The following CNST variants were observed in gnomAD, a reference collection of about 807,000 sequenced individuals.
CNST encodes consortin.
A neutral mutation model predicts 72.4 loss-of-function variants in CNST; 39 were observed. That is an observed-to-expected ratio of 0.54 (90% CI 0.42 to 0.70). CNST has a LOEUF of 0.70. Ranked by LOEUF, CNST falls within the 30% of genes least tolerant of loss-of-function variation. The probability of loss-of-function intolerance (pLI) is 0.00; values close to 1 mark genes in which losing one functional copy is unlikely to be tolerated. For missense variants in CNST, 871 were observed against 868.5 expected (o/e 1.00, Z -0.04); for synonymous variants, 332 against 320.1 (o/e 1.04, Z -0.40).
chr1:246,646,279 C>CAAAAAAAAAAAAAAAAA lies in CNST; in HGVS notation c.938-845_938-844insAAAAAAAAAAAAAAAAA, dbSNP rs550697329. ...TGGGTGACAGAGCGAAACTCCGTCT[C>CAAAAAAAAAAAAAAAAA]AAAAAAAAAAAAAAAGTTGCAAGTA... On this transcript the variant is annotated intron_variant, in intron 8 of 10. Coordinates refer to ENST00000366513, the MANE Select transcript of CNST (RefSeq NM_152609.3). 1.7e-4 allele frequency among the ~76,000 whole-genome samples: 17 copies of CAAAAAAAAAAAAAAAAA among 99,400 alleles called. 1 individual carries two copies. The highest frequency in any genetic ancestry group is 5.8e-4 in the African/African-American group (13 of 22,254). The allele number at this position is 99,400 out of a possible 152,430, so 65.2% of individuals were successfully genotyped here.
At chr1:246,617,589 A>G (rs1008479647) in intron 2 of CNST, among the ~76,000 whole-genome samples, 4 of 152,204 alleles carry the variant, frequency 2.6e-5, no homozygotes, top group South Asian at 2.1e-4. Context: ...GTTACAGAGG[A>G]AAAAATAGAG....
intron 2 of CNST, chr1:246,607,945 G>T (rs1163165238): frequency 1.3e-5 from 2 of 152,102 alleles, no homozygotes; most frequent in East Asian, 3.9e-4. Flanking sequence ...GCCGGGCATG[G>T]TGTCACCCGC....
At chr1:246,616,551 T>C (rs1467838086) in intron 2 of CNST, among the ~76,000 whole-genome samples, 1 of 151,582 alleles carries the variant, frequency 6.6e-6, no homozygotes, top group Non-Finnish European at 1.5e-5. Context: ...GAATGAGACT[T>C]ATTTTTTTCT....
Position 246,621,472 on chromosome 1 carries a change from A to G in CNST, c.423A>G (p.Val141=), listed in dbSNP as rs765850766. The part of the protein sequence containing the change: ...GDIAPLMQEK[V]LSAVTYAVDD... ...TTGCACCTTTAATGCAAGAAAAAGTACTAAGCGCAGTCACATATGCTGTTG... is the reference window on the plus strand; with the variant it reads ...TTGCACCTTTAATGCAAGAAAAAGTGCTAAGCGCAGTCACATATGCTGTTG... The change falls in exon 3 of 11, where the codon GTA becomes GTG. Residue 141 remains valine (V), a synonymous_variant. Coordinates refer to ENST00000366513, the MANE Select transcript of CNST (RefSeq NM_152609.3). The G allele has an allele frequency of 4.3e-6, 7 of 1,614,066 alleles. No homozygotes were observed. Among genetic ancestry groups the G allele is most frequent in the African/African-American group, 1.3e-5 (1 of 74,948 alleles).
intron 2 of CNST, among the ~76,000 whole-genome samples, chr1:246,596,087 T>G (rs188077629): frequency 6.6e-5 from 10 of 152,208 alleles, no homozygotes; most frequent in Admixed American, 2.0e-4. Context: ...CTTGATATGC[T>G]TAACTAAGCA....
intron 1 of CNST, among the ~76,000 whole-genome samples, chr1:246,572,262 A>G (rs577489589): frequency 6.6e-6 from 1 of 152,366 alleles, no homozygotes; most frequent in Admixed American, 6.5e-5. Flanking sequence ...TAAATGAATT[A>G]AATACTTTTT....
At chr1:246,612,803 T>TG (rs1182356859) in intron 2 of CNST, among the ~76,000 whole-genome samples, 1 of 152,088 alleles carries the variant, frequency 6.6e-6, no homozygotes, top group Non-Finnish European at 1.5e-5. Context: ...GAGGATCACT[T>TG]GAACTGGGGA....
At chr1:246,617,527 G>A (rs1663788152) in intron 2 of CNST, among the ~76,000 whole-genome samples, 1 of 152,176 alleles carries the variant, frequency 6.6e-6, no homozygotes, top group South Asian at 2.1e-4. Context: ...GGCATGCACT[G>A]TCTCATTTAA....
rs1002528477 is a variant in CNST at position 246,666,685 on chromosome 1, T to C, written c.*780T>C. On this transcript the variant is annotated 3_prime_UTR_variant, in exon 11 of 11. Coordinates refer to ENST00000366513, the MANE Select transcript of CNST (RefSeq NM_152609.3). ...CAGGCCTAGAGACCAAAGAAAAAGC[T>C]CCCCTGAGTCTCAGGCAACAGTTTT... The C allele has an allele frequency of 3.9e-5, 6 of 152,142 alleles. No individual in the cohort carries two copies. Among genetic ancestry groups the C allele is most frequent in the African/African-American group, 7.2e-5 (3 of 41,422 alleles). 9.4% of individuals were successfully genotyped at this position (152,142 alleles called of 1,614,324 possible).
intron 1 of CNST, among the ~76,000 whole-genome samples, chr1:246,567,205 C>T (rs1659763593): frequency 6.6e-6 from 1 of 152,142 alleles, no homozygotes; most frequent in Non-Finnish European, 1.5e-5. Context: ...CTTACAATTC[C>T]TTTCTAAGCT....
At chr1:246,567,073 G>T (rs1028051829) in intron 1 of CNST, among the ~76,000 whole-genome samples, 13 of 147,428 alleles carry the variant, frequency 8.8e-5, no homozygotes, top group Admixed American at 2.1e-4. Context: ...TACCACTTTG[G>T]TTGTCAAGAA....
chr1:246,590,555 T>G (rs1661481053), intron 1 of CNST, among the ~76,000 whole-genome samples: 1 of 152,140 alleles, frequency 6.6e-6, no homozygotes, highest in Non-Finnish European at 1.5e-5. Context: ...TCTTGTACTT[T>G]TCATGGTTTT....
chr1:246,582,962 A>AGAAACGC (rs2103014111), intron 1 of CNST, among the ~76,000 whole-genome samples: 1 of 152,304 alleles, frequency 6.6e-6, no homozygotes, highest in African/African-American at 2.4e-5. Flanking sequence ...GCCCTGTCTG[A>AGAAACGC]GAAACGCAGG....
chr1:246,659,392 A>G (rs1447910511), intron 9 of CNST, among the ~76,000 whole-genome samples: 3 of 152,180 alleles, frequency 2.0e-5, no homozygotes, highest in African/African-American at 7.2e-5. Flanking sequence ...CAGGAGATCG[A>G]GACCATCCTG....
At chr1:246,619,716 T>C (rs1274417258) in intron 2 of CNST, among the ~76,000 whole-genome samples, 1 of 152,206 alleles carries the variant, frequency 6.6e-6, no homozygotes, top group Non-Finnish European at 1.5e-5. Context: ...GCAGGAAGTA[T>C]TTTACTTTGG....
At chr1:246,649,801 A>G (rs1666350502) in intron 9 of CNST, among the ~76,000 whole-genome samples, 1 of 150,634 alleles carries the variant, frequency 6.6e-6, no homozygotes, top group South Asian at 2.1e-4. Context: ...TCTGCCTGAA[A>G]GCTGTTCGGC....
At chr1:246,616,380 C>T (rs1663689351) in intron 2 of CNST, among the ~76,000 whole-genome samples, 2 of 151,900 alleles carry the variant, frequency 1.3e-5, no homozygotes, top group South Asian at 4.2e-4. Context: ...AAGACACCAC[C>T]CCCACTGCCC....
chr1:246,575,107 C>T (rs538798063), intron 1 of CNST, among the ~76,000 whole-genome samples: 1 of 152,166 alleles, frequency 6.6e-6, no homozygotes, highest in Non-Finnish European at 1.5e-5. Context: ...GTGATTCTCG[C>T]CTCAGCCTCC....
intron 6 of CNST, among the ~76,000 whole-genome samples, chr1:246,640,586 C>A (rs1365928903): frequency 6.6e-6 from 1 of 152,154 alleles, no homozygotes; most frequent in Non-Finnish European, 1.5e-5. Flanking sequence ...AACATGAATT[C>A]TCAATACAAA....
Sources: allele counts gnomAD v4.1 joint callset (sites outside exome capture counted in the v4.1 genomes callset), GRCh38; gene constraint gnomAD v4.1.1; transcripts MANE v1.5; gene names NCBI Gene and HGNC (gene_info 2026-07-23, HGNC 2026-07-21).